Variants in ZSWIM5 observed in about 807,000 individuals in gnomAD.
ZSWIM5 encodes the protein zinc finger SWIM-type containing 5, also known as zinc finger SWIM domain-containing protein 5.
In ZSWIM5, 55 loss-of-function variants were observed where a neutral mutation model predicts 119.6. The observed-to-expected ratio is 0.46, with a 90% CI of 0.37 to 0.58. ZSWIM5 has a LOEUF of 0.58. ZSWIM5 is among the 20% of genes least tolerant of loss of function. ZSWIM5 has a pLI of 0.00. For missense variants in ZSWIM5, 1,193 were observed against 1,512.8 expected (o/e 0.79, Z 3.51); for synonymous variants, 537 against 606.9 (o/e 0.88, Z 1.69).
At chr1:45,064,029 C>T (rs1261072592) in intron 2 of ZSWIM5, among the ~76,000 whole-genome samples, 2 of 151,794 alleles carry the variant, frequency 1.3e-5, no homozygotes, top group African/African-American at 4.8e-5. Flanking sequence ...GAGAGGCTAA[C>T]ACTGCTGAGG....
intron 1 of ZSWIM5, among the ~76,000 whole-genome samples, chr1:45,098,960 T>G (rs949580410): frequency 5.9e-5 from 9 of 152,122 alleles, no homozygotes; most frequent in Admixed American, 2.0e-4. Flanking sequence ...AGATCTAAAA[T>G]AGACACCTTA....
chr1:45,066,802 A>G (rs920377393), intron 2 of ZSWIM5, among the ~76,000 whole-genome samples: 1 of 152,228 alleles, frequency 6.6e-6, no homozygotes, highest in African/African-American at 2.4e-5. Context: ...TTGAAAGATC[A>G]GTTAGATTGG....
Position 45,048,082 on chromosome 1 carries a change from CTT to C in ZSWIM5, c.1432+2990_1432+2991del, listed in dbSNP as rs1187025417. ...CTTTCTTTCTTTCCTTTTCTTTTCT[CTT>C]TTTTTTTTTTTTTTTTTGAGACAGG... On this transcript the variant is annotated intron_variant, in intron 5 of 13. Transcript: ENST00000359600. 1.3e-3 allele frequency among the ~76,000 whole-genome samples: 112 copies of C among 85,208 alleles called. 17 individuals are homozygous for C. Among genetic ancestry groups the C allele is most frequent in the South Asian group, 3.2e-3 (8 of 2,502 alleles). The allele number at this position is 85,208 out of a possible 152,430, so 55.9% of individuals were successfully genotyped here.
At chr1:45,157,014 A>G (rs1645830588) in intron 1 of ZSWIM5, among the ~76,000 whole-genome samples, 1 of 152,116 alleles carries the variant, frequency 6.6e-6, no homozygotes, top group Non-Finnish European at 1.5e-5. Context: ...GAACCTTACC[A>G]TTATCCCAGA....
intron 1 of ZSWIM5, among the ~76,000 whole-genome samples, chr1:45,131,724 C>CAAAAAAAAAAAA (rs11336099): frequency 2.7e-5 from 2 of 74,220 alleles, no homozygotes; most frequent in Admixed American, 1.6e-4. Flanking sequence ...GACTCTGTCT[C>CAAAAAAAAAAAA]AAAAAAAAAA....
intron 4 of ZSWIM5, among the ~76,000 whole-genome samples, chr1:45,054,804 T>C (rs897756311): frequency 1.3e-5 from 2 of 152,040 alleles, no homozygotes; most frequent in African/African-American, 2.4e-5. Context: ...TAAAAGAAAA[T>C]AGGGAATCAA....
chr1:45,052,306 G>A (rs961172817), intron 4 of ZSWIM5, among the ~76,000 whole-genome samples: 10 of 152,082 alleles, frequency 6.6e-5, no homozygotes, highest in Non-Finnish European at 1.2e-4. Flanking sequence ...GATTACAGGC[G>A]TGAGCCACCA....
chr1:45,165,867 C>T (rs531364919), intron 1 of ZSWIM5, among the ~76,000 whole-genome samples: 2 of 152,206 alleles, frequency 1.3e-5, no homozygotes, highest in East Asian at 3.9e-4. Context: ...GATGGATTCA[C>T]AGCCGAATTC....
At chr1:45,168,533 C>T (rs534621622) in intron 1 of ZSWIM5, among the ~76,000 whole-genome samples, 9 of 150,354 alleles carry the variant, frequency 6.0e-5, no homozygotes, top group African/African-American at 1.2e-4. Context: ...GGTGTGGTGG[C>T]GCATGCCTGT....
At chr1:45,126,145 T>G (rs1314390970) in intron 1 of ZSWIM5, among the ~76,000 whole-genome samples, 1 of 125,954 alleles carries the variant, frequency 7.9e-6, no homozygotes, top group Non-Finnish European at 1.8e-5. Context: ...ACCTGAAAAA[T>G]CTAGGAAAAT....
At chr1:45,164,998 A>G (rs1645891625) in intron 1 of ZSWIM5, among the ~76,000 whole-genome samples, 1 of 152,092 alleles carries the variant, frequency 6.6e-6, no homozygotes, top group African/African-American at 2.4e-5. Context: ...TCCACCCCAA[A>G]TCAACAGAAT....
At chr1:45,078,280 G>A (rs1570067456) in intron 2 of ZSWIM5, among the ~76,000 whole-genome samples, 2 of 152,142 alleles carry the variant, frequency 1.3e-5, no homozygotes, top group African/African-American at 2.4e-5. Context: ...CAGTCCCTCC[G>A]TTTGGGGTCC....
chr1:45,099,498 G>GA lies in ZSWIM5; in HGVS notation c.596-11262dup, dbSNP rs1425003553. Reference sequence around the variant, plus strand: ...AAGAGGAGCTGGTACCATTCCTTCTGAAACTATTCCAATCAAGAGAAAAAC... The same window carrying GA: ...AAGAGGAGCTGGTACCATTCCTTCTGAAAACTATTCCAATCAAGAGAAAAAC... On this transcript the variant is annotated intron_variant, in intron 1 of 13. Coordinates refer to ENST00000359600, the MANE Select transcript of ZSWIM5 (RefSeq NM_020883.2). Among the ~76,000 whole-genome samples the GA allele has an allele frequency of 5.3e-5, 8 of 152,154 alleles. No homozygotes were observed. In the East Asian group the frequency reaches 1.5e-3, roughly 29 times the overall value.
In ZSWIM5 at chr1:45,205,798, G is replaced by A; in HGVS notation, c.553C>T (p.Arg185Cys). Residue 185 changes from arginine (R) to cysteine (C), a missense_variant, in exon 1 of 14, where the codon CGT becomes TGT. Arg to Cys is a radical substitution (Grantham distance 180). Around this residue, in one of 2 missense-constraint regions of ZSWIM5, gnomAD observed 961 missense variants for 1,290.0 expected, o/e 0.74. Coordinates refer to ENST00000359600, the MANE Select transcript of ZSWIM5 (RefSeq NM_020883.2). ...TCCACGGAGCCGCTGTCCAGCAGAC[G>A]GATGCCCCGGCGGAACGGGAGCCCC... Reference protein sequence around the residue: ...GEGLPFRRGIRLLDSGSVENV... With the variant: ...GEGLPFRRGICLLDSGSVENV... 1 of 1,554,894 alleles carries A rather than the reference G, an allele frequency of 6.4e-7. No homozygotes were observed. Among genetic ancestry groups the A allele is most frequent in the Non-Finnish European group, 8.7e-7 (1 of 1,155,166 alleles).
At chr1:45,132,483 T>C (rs1205035177) in intron 1 of ZSWIM5, among the ~76,000 whole-genome samples, 1 of 152,168 alleles carries the variant, frequency 6.6e-6, no homozygotes, top group Non-Finnish European at 1.5e-5. Context: ...TGTGTCCCTG[T>C]GCCCTAAAAA....
Position 45,036,275 on chromosome 1 carries a change from A to C in ZSWIM5, c.1919T>G (p.Val640Gly). ...MSDMNESRPPVYQHVPVAAGS... is the reference protein window; with the variant it reads ...MSDMNESRPPGYQHVPVAAGS... ...TGCAGCCACAGGTACATGCTGGTAC[A>C]CAGGGGGTCTGCTTTCATTCATATC... Residue 640 changes from valine (V) to glycine (G), a missense_variant, in exon 9 of 14, where the codon GTG becomes GGG. Transcript: ENST00000359600. 6.2e-7 allele frequency: 1 copy of C among 1,613,504 alleles called. No individual in the cohort carries two copies. Among genetic ancestry groups the C allele is most frequent in the Non-Finnish European group, 8.5e-7 (1 of 1,179,874 alleles).
rs191499407 is a variant in ZSWIM5 at position 45,043,144 on chromosome 1, G to C, written c.1609+75C>G. On this transcript the variant is annotated intron_variant, in intron 6 of 13. Coordinates refer to ENST00000359600, the MANE Select transcript of ZSWIM5 (RefSeq NM_020883.2). Reference sequence around the variant, plus strand: ...AAATTGTAGTTTGAGTTGCAGGTACGTATGAAGATGGCTCATTTGGGCCTG... The same window carrying C: ...AAATTGTAGTTTGAGTTGCAGGTACCTATGAAGATGGCTCATTTGGGCCTG... The C allele has an allele frequency of 1.5e-5, 21 of 1,436,596 alleles. No individual in the cohort carries two copies. The Admixed American group carries it at 3.3e-4, about 23-fold the overall frequency. The allele number at this position is 1,436,596 out of a possible 1,614,324, so 89.0% of individuals were successfully genotyped here.
chr1:45,056,443 A>G (rs1011510739), intron 4 of ZSWIM5, among the ~76,000 whole-genome samples: 1 of 151,970 alleles, frequency 6.6e-6, no homozygotes, highest in African/African-American at 2.4e-5. Context: ...AAATACAAAA[A>G]TTAGCTGGGC....
At chr1:45,025,641 A>G (rs1358666918) in intron 11 of ZSWIM5, among the ~76,000 whole-genome samples, 1 of 152,178 alleles carries the variant, frequency 6.6e-6, no homozygotes, top group Non-Finnish European at 1.5e-5. Flanking sequence ...TAGGAAAGCA[A>G]TTGAATTTTG....
Sources: allele counts gnomAD v4.1 joint callset (sites outside exome capture counted in the v4.1 genomes callset), GRCh38; gene constraint gnomAD v4.1.1; regional missense constraint gnomAD v4.1.1; transcripts MANE v1.5; gene names NCBI Gene and HGNC (gene_info 2026-07-23, HGNC 2026-07-21).